The following TEKT5 variants were observed in gnomAD, a reference collection of about 807,000 sequenced individuals.
TEKT5 encodes the protein tektin 5.
TEKT5 carries 52 observed loss-of-function variants against 48.7 expected under a neutral mutation model. That is an observed-to-expected ratio of 1.07 (90% CI 0.86 to 1.35). The LOEUF (loss-of-function observed/expected upper bound fraction) is 1.35, where lower values mean the gene tolerates loss of function less well. Ranked by LOEUF, TEKT5 falls within the 40% of genes most tolerant of loss-of-function variation. The pLI, the probability that TEKT5 is intolerant of heterozygous loss-of-function variation, is 0.00. For synonymous variants in TEKT5, 318 were observed against 267.6 expected, an observed-to-expected ratio of 1.19 and a Z score of -1.84; for missense variants, 831 against 641.6, an observed-to-expected ratio of 1.30 and a Z score of -3.19.
chr16:10,639,334 A>C (rs955293549), intron 5 of TEKT5, among the ~76,000 whole-genome samples: 2 of 152,068 alleles, frequency 1.3e-5, no homozygotes, highest in African/African-American at 2.4e-5. Flanking sequence ...CAAAAAACCC[A>C]AACAGTTGTA....
intron 5 of TEKT5, among the ~76,000 whole-genome samples, chr16:10,664,132 C>A (rs1644300066): frequency 6.6e-6 from 1 of 152,198 alleles, no homozygotes; most frequent in South Asian, 2.1e-4. Context: ...TGTGTGTTTG[C>A]TTATTTTTTT....
chr16:10,682,074 C>A lies in TEKT5; in HGVS notation c.782G>T (p.Cys261Phe), dbSNP rs746711728. Residue 261 changes from cysteine to phenylalanine, a missense_variant, in exon 4 of 7, where the codon TGT (cysteine) becomes TTT (phenylalanine). Transcript: ENST00000283025. ...RDLEDKSSAQ[C>F]IDEKCFNLRN... is the part of the protein sequence containing the mutation. ...CAGGTTAAAGCACTTCTCATCGATA[C>A]ACTGGGCCGAGCTTTTGTCTTCGAG... 2 of 1,614,204 alleles carry A rather than the reference C, an allele frequency of 1.2e-6. No individual in the cohort carries two copies. The highest frequency in any genetic ancestry group is 1.7e-6 in the Non-Finnish European group (2 of 1,180,034).
intron 6 of TEKT5, among the ~76,000 whole-genome samples, chr16:10,632,334 G>T (rs1027476821): frequency 1.3e-5 from 2 of 151,764 alleles, no homozygotes; most frequent in Non-Finnish European, 2.9e-5. Flanking sequence ...GTGTTGCATT[G>T]TTCCCCAGGA....
chr16:10,630,748 G>A (rs1471864626), intron 6 of TEKT5, among the ~76,000 whole-genome samples: 1 of 152,196 alleles, frequency 6.6e-6, no homozygotes, highest in African/African-American at 2.4e-5. Flanking sequence ...GCTAGGCGTG[G>A]TGACTCACAC....
chr16:10,660,483 G>C lies in TEKT5; in HGVS notation c.1086+15476C>G, dbSNP rs1898347570. 3.9e-5 allele frequency among the ~76,000 whole-genome samples: 6 copies of C among 152,154 alleles called. No homozygotes were observed. The South Asian group carries it at 1.2e-3, about 32-fold the overall frequency. ...TCAGCCCTAACACAAACCAACTGTG[G>C]GGCCCAGACCCCCACTCAGAACCCC... On this transcript the variant is annotated intron_variant, in intron 5 of 6. Transcript: ENST00000283025.
At position 10,650,273 on chromosome 16, in the gene TEKT5, G is replaced by A. The variant is rs938091443; in HGVS notation, c.1087-14355C>T. On this transcript the variant is annotated intron_variant, in intron 5 of 6. Transcript: ENST00000283025. ...GTGCGACAAGGCCCGGCTGATTTTT[G>A]TATTTTTAGTGGAGACAGGGTTTCA... is the stretch of plus-strand genomic sequence containing the variant. Among the ~76,000 whole-genome samples, 6 of 151,728 alleles carry A rather than the reference G, an allele frequency of 4.0e-5. No homozygotes were observed. In the South Asian group the frequency reaches 1.0e-3, roughly 26 times the overall value.
intron 5 of TEKT5, among the ~76,000 whole-genome samples, chr16:10,652,785 CA>C: frequency 7.5e-6 from 1 of 133,310 alleles, no homozygotes. Context: ...CACACACACA[CA>C]CACACACACC....
chr16:10,644,202 C>CGAAA (rs1228996607), intron 5 of TEKT5, among the ~76,000 whole-genome samples: 1 of 152,136 alleles, frequency 6.6e-6, no homozygotes, highest in African/African-American at 2.4e-5. Flanking sequence ...AAGTCCTTTC[C>CGAAA]CATCTTTTAC....
intron 5 of TEKT5, among the ~76,000 whole-genome samples, chr16:10,651,224 C>T (rs1411875805): frequency 6.6e-6 from 1 of 152,162 alleles, no homozygotes; most frequent in African/African-American, 2.4e-5. Flanking sequence ...GCCTCATTCT[C>T]TCACCTCCTT....
chr16:10,677,622 AT>A (rs1898671634), intron 4 of TEKT5, among the ~76,000 whole-genome samples: 1 of 135,816 alleles, frequency 7.4e-6, no homozygotes, highest in Admixed American at 7.1e-5. Context: ...CAACAAAAAA[AT>A]AAAAAGAAAA....
At chr16:10,665,537 T>C (rs1040058306) in intron 5 of TEKT5, among the ~76,000 whole-genome samples, 1 of 152,220 alleles carries the variant, frequency 6.6e-6, no homozygotes, top group African/African-American at 2.4e-5. Flanking sequence ...ATCTGTCGCC[T>C]ACCTCCCCAG....
In TEKT5 at chr16:10,629,502, CA is replaced by C. The variant is rs1390456873; in HGVS notation, c.1242-1704del. On this transcript the variant is annotated intron_variant, in intron 6 of 6. Transcript: ENST00000283025. The stretch of plus-strand genomic sequence containing the variant: ...CTAAGCTCAGGCAATCCGCCAGTCT[CA>C]GCCTCCCAAAGTGCTGGGATTACAG... Among the ~76,000 whole-genome samples, 8 of 152,290 alleles carry C rather than the reference CA, an allele frequency of 5.3e-5. No homozygotes were observed. In the East Asian group the frequency reaches 1.2e-3, roughly 22 times the overall value.
chr16:10,663,941 T>C (rs1298339440), intron 5 of TEKT5, among the ~76,000 whole-genome samples: 1 of 152,210 alleles, frequency 6.6e-6, no homozygotes, highest in Non-Finnish European at 1.5e-5. Flanking sequence ...GGCCAGCACA[T>C]GCATCAGCTG....
chr16:10,628,769 G>A (rs1326420562), intron 6 of TEKT5, among the ~76,000 whole-genome samples: 2 of 152,068 alleles, frequency 1.3e-5, no homozygotes, highest in Non-Finnish European at 2.9e-5. Flanking sequence ...AGCCAGGCAT[G>A]ATGGTGGGTG....
chr16:10,655,945 T>C (rs1390631993), intron 5 of TEKT5, among the ~76,000 whole-genome samples: 3 of 152,242 alleles, frequency 2.0e-5, no homozygotes, highest in African/African-American at 4.8e-5. Flanking sequence ...GGTCTTCTAT[T>C]ACATGTGGCT....
At chr16:10,647,724 G>C (rs1287665549) in intron 5 of TEKT5, among the ~76,000 whole-genome samples, 2 of 152,216 alleles carry the variant, frequency 1.3e-5, no homozygotes, top group Non-Finnish European at 2.9e-5. Flanking sequence ...CAAAAGGCCT[G>C]TCTCCTGGGT....
At chr16:10,636,014 A>C in intron 5 of TEKT5, 96 bp from the exon 6 acceptor site, 1 of 1,538,746 alleles carries the variant, frequency 6.5e-7, no homozygotes. Flanking sequence ...GTCAGCCTCC[A>C]GCCAGGCACT....
At chr16:10,635,097 C>T (rs998546089) in intron 6 of TEKT5, among the ~76,000 whole-genome samples, 1 of 152,070 alleles carries the variant, frequency 6.6e-6, no homozygotes, top group Non-Finnish European at 1.5e-5. Context: ...CCAAGTCATA[C>T]AGCACGTTCA....
At chr16:10,685,298 TTCTC>T (rs763332137) in intron 3 of TEKT5, among the ~76,000 whole-genome samples, 8 of 151,564 alleles carry the variant, frequency 5.3e-5, no homozygotes, top group East Asian at 1.9e-4. Context: ...CCCTCTCTCT[TTCTC>T]TCTCTCTCTC....
Sources: gnomAD v4.1 joint callset for allele counts (sites outside exome capture counted in the v4.1 genomes callset) on GRCh38, gnomAD v4.1.1 for gene constraint, MANE v1.5 for transcripts, NCBI Gene and HGNC (gene_info 2026-07-23, HGNC 2026-07-21) for gene names.